LRP1B: variants seen among roughly 807,000 people sequenced by gnomAD.
LRP1B encodes LDL receptor related protein 1B.
LRP1B carries 217 observed loss-of-function variants against 556.6 expected under a neutral mutation model. That is an observed-to-expected ratio of 0.39 (90% confidence interval 0.35 to 0.44). LRP1B has a LOEUF of 0.44. LRP1B is among the 20% of genes least tolerant of loss of function. The pLI, the probability that LRP1B is intolerant of heterozygous loss-of-function variation, is 1.00. For synonymous variants in LRP1B, 2,047 were observed against 1,865.8 expected (o/e 1.10, Z -2.50); for missense variants, 5,053 against 5,620.8 (o/e 0.90, Z 3.23).
intron 32 of LRP1B, among the ~76,000 whole-genome samples, chr2:140,797,670 A>C (rs1422542869): frequency 6.6e-6 from 1 of 152,108 alleles, no homozygotes; most frequent in Non-Finnish European, 1.5e-5. Context: ...TGCATAAATT[A>C]ATTATGTAAT....
In LRP1B at chr2:141,327,875, TGAGAGAGAGA is replaced by T. The variant is rs757095809; in HGVS notation, c.344-73244_344-73235del. 4.2e-4 allele frequency among the ~76,000 whole-genome samples: 38 copies of T among 90,686 alleles called. 1 individual carries two copies. The South Asian group carries it at 0.011, about 26-fold the overall frequency. 59.5% of individuals were successfully genotyped at this position (90,686 alleles called of 152,430 possible). On this transcript the variant is annotated intron_variant, in intron 3 of 90. Transcript: ENST00000389484. The stretch of plus-strand genomic sequence containing the variant: ...GATGGGTAGGTAGATAGATAAAGAG[TGAGAGAGAGA>T]GAGAGAGAGAGAGAGACAGACCGAC...
intron 5 of LRP1B, among the ~76,000 whole-genome samples, chr2:141,234,028 C>G (rs1683566571): frequency 6.6e-6 from 1 of 152,048 alleles, no homozygotes; most frequent in Non-Finnish European, 1.5e-5. Flanking sequence ...CCAGTTTTAA[C>G]TGCATAAAAC....
intron 66 of LRP1B, among the ~76,000 whole-genome samples, chr2:140,388,169 T>A (rs1683849131): frequency 6.6e-6 from 1 of 152,174 alleles, no homozygotes; most frequent in Non-Finnish European, 1.5e-5. Flanking sequence ...ACTCCTGACC[T>A]CAGGTGATCC....
At chr2:141,521,554 C>A (rs541904987) in intron 2 of LRP1B, among the ~76,000 whole-genome samples, 2 of 151,390 alleles carry the variant, frequency 1.3e-5, no homozygotes, top group East Asian at 3.9e-4. Flanking sequence ...GAGTATTGAT[C>A]CTGCCAGTTG....
At chr2:141,758,435 C>T (rs1041870163) in intron 2 of LRP1B, among the ~76,000 whole-genome samples, 12 of 151,912 alleles carry the variant, frequency 7.9e-5, no homozygotes, top group African/African-American at 2.7e-4. Flanking sequence ...CCATTCTAAA[C>T]GTCATTTATG....
At chr2:141,771,584 T>A (rs1312631677) in intron 2 of LRP1B, among the ~76,000 whole-genome samples, 1 of 152,120 alleles carries the variant, frequency 6.6e-6, no homozygotes, top group Non-Finnish European at 1.5e-5. Flanking sequence ...GTTGCATAAT[T>A]CTAGGACCTT....
intron 3 of LRP1B, among the ~76,000 whole-genome samples, chr2:141,463,705 A>T (rs1272484153): frequency 1.4e-5 from 2 of 140,684 alleles, no homozygotes; most frequent in Non-Finnish European, 3.1e-5. Flanking sequence ...TACAATAATG[A>T]GAACCCCCTA....
At chr2:140,476,788 C>G (rs936302705) in intron 59 of LRP1B, among the ~76,000 whole-genome samples, 1 of 151,962 alleles carries the variant, frequency 6.6e-6, no homozygotes, top group Non-Finnish European at 1.5e-5. Flanking sequence ...AACAGAGATT[C>G]AAAGAGCTCT....
chr2:140,615,047 AG>A (rs555323743), intron 41 of LRP1B, among the ~76,000 whole-genome samples: 189 of 152,250 alleles, frequency 1.2e-3, no homozygotes, highest in African/African-American at 4.3e-3. Flanking sequence ...GGGGCTCAGG[AG>A]TTATGTAACA....
chr2:140,739,037 C>T (rs2046507), intron 35 of LRP1B, among the ~76,000 whole-genome samples: 79,020 of 152,068 alleles, frequency 0.52, 21,103 homozygotes, highest in Middle Eastern at 0.62. Flanking sequence ...GCATGTGCAG[C>T]ATGGTCTGCC....
At chr2:142,005,834 CTT>C (rs1702783645) in intron 1 of LRP1B, among the ~76,000 whole-genome samples, 1 of 149,880 alleles carries the variant, frequency 6.7e-6, no homozygotes, top group Non-Finnish European at 1.5e-5. Context: ...AGAAAAGACA[CTT>C]TAGGCTTTGG....
chr2:140,868,506 G>A (rs1015955436), intron 25 of LRP1B, among the ~76,000 whole-genome samples: 4 of 152,032 alleles, frequency 2.6e-5, no homozygotes, highest in Non-Finnish European at 5.9e-5. Flanking sequence ...GAGAATAGCA[G>A]GTGACTGACC....
chr2:140,279,152 C>T (rs577871559), intron 84 of LRP1B, among the ~76,000 whole-genome samples: 2 of 152,048 alleles, frequency 1.3e-5, no homozygotes, highest in African/African-American at 4.8e-5. Flanking sequence ...TTTCCCACTC[C>T]AAGACTCCTG....
At chr2:140,764,425 T>G (rs1314045616) in intron 35 of LRP1B, among the ~76,000 whole-genome samples, 1 of 152,100 alleles carries the variant, frequency 6.6e-6, no homozygotes, top group Non-Finnish European at 1.5e-5. Flanking sequence ...CCCCTTGATC[T>G]CTTTGGTTTC....
At chr2:140,648,320 G>A (rs1376073279) in intron 41 of LRP1B, among the ~76,000 whole-genome samples, 1 of 152,038 alleles carries the variant, frequency 6.6e-6, no homozygotes, top group African/African-American at 2.4e-5. Flanking sequence ...GATAGCATTA[G>A]GAGAAATACC....
chr2:141,495,684 T>C (rs1029207872), intron 2 of LRP1B, among the ~76,000 whole-genome samples: 3 of 152,100 alleles, frequency 2.0e-5, no homozygotes, highest in Admixed American at 6.6e-5. Context: ...GAAACCTCGT[T>C]GAAGACTGAC....
intron 7 of LRP1B, among the ~76,000 whole-genome samples, chr2:141,093,492 T>C (rs1700221936): frequency 6.6e-6 from 1 of 152,148 alleles, no homozygotes; most frequent in Admixed American, 6.5e-5. Flanking sequence ...GAGAATAAAG[T>C]TTAGCAATTT....
intron 1 of LRP1B, among the ~76,000 whole-genome samples, chr2:142,058,771 T>C (rs1272805710): frequency 6.6e-6 from 1 of 152,032 alleles, no homozygotes; most frequent in Non-Finnish European, 1.5e-5. Context: ...TGAAGATAAA[T>C]ACCTCAAACC....
intron 3 of LRP1B, among the ~76,000 whole-genome samples, chr2:141,282,114 C>T (rs774002867): frequency 2.6e-5 from 4 of 151,962 alleles, no homozygotes; most frequent in South Asian, 2.1e-4. Flanking sequence ...AGTAACTGAA[C>T]CAATTTTGGA....
Sources: gnomAD v4.1 joint callset for allele counts (sites outside exome capture counted in the v4.1 genomes callset) on GRCh38, gnomAD v4.1.1 for gene constraint, MANE v1.5 for transcripts, NCBI Gene and HGNC (gene_info 2026-07-23, HGNC 2026-07-21) for gene names.